The following FREM1 variants were observed in gnomAD, a reference collection of about 807,000 sequenced individuals.
FREM1 encodes FRAS1 related extracellular matrix 1.
In FREM1, 220 loss-of-function variants were observed where a neutral mutation model predicts 210.1. That is an observed-to-expected ratio of 1.05 (90% CI 0.94 to 1.17). The LOEUF (loss-of-function observed/expected upper bound fraction) is 1.17. Among genes scored for constraint, FREM1 ranks in the 50% most tolerant of loss-of-function variants. The probability of loss-of-function intolerance (pLI) is 0.00; values close to 1 mark genes in which losing one functional copy is unlikely to be tolerated. For synonymous variants in FREM1, 1,189 were observed against 980.2 expected, an observed-to-expected ratio of 1.21 and a Z score of -3.98; for missense variants, 3,454 against 2,675.5, an observed-to-expected ratio of 1.29 and a Z score of -6.42.
chr9:14,885,647 C>T (rs989725008), intron 1 of FREM1, among the ~76,000 whole-genome samples: 2 of 152,134 alleles, frequency 1.3e-5, no homozygotes, highest in Non-Finnish European at 2.9e-5. Flanking sequence ...GTCTTGAACT[C>T]CTGGTCTCAA....
At chr9:14,765,000 G>T (rs961302656) in intron 27 of FREM1, among the ~76,000 whole-genome samples, 1 of 152,132 alleles carries the variant, frequency 6.6e-6, no homozygotes, top group Non-Finnish European at 1.5e-5. Context: ...ACTTCAAAGG[G>T]GTTAAGTGAA....
intron 23 of FREM1, among the ~76,000 whole-genome samples, chr9:14,785,665 C>A (rs1237085499): frequency 6.6e-6 from 1 of 151,638 alleles, no homozygotes; most frequent in Non-Finnish European, 1.5e-5. Context: ...GGACATTATG[C>A]TAAGTGAAAT....
At chr9:14,814,913 G>A (rs1233331152) in intron 15 of FREM1, among the ~76,000 whole-genome samples, 2 of 152,174 alleles carry the variant, frequency 1.3e-5, no homozygotes, top group African/African-American at 2.4e-5. Flanking sequence ...ACTGCCTATT[G>A]TCATGGATGG....
chr9:14,877,689 G>A (rs528979853), intron 1 of FREM1, among the ~76,000 whole-genome samples: 26 of 152,116 alleles, frequency 1.7e-4, no homozygotes, highest in African/African-American at 6.3e-4. Flanking sequence ...CTGTCACAAG[G>A]AAATGAATCC....
chr9:14,854,204 A>C (rs902395270), intron 5 of FREM1, among the ~76,000 whole-genome samples: 1 of 152,216 alleles, frequency 6.6e-6, no homozygotes, highest in Non-Finnish European at 1.5e-5. Context: ...GGAATTGTCA[A>C]ATAAGATAAA....
intron 25 of FREM1, 135 bp downstream of exon 25, chr9:14,775,654 G>C (rs1199801760): frequency 1.6e-6 from 1 of 615,888 alleles, no homozygotes; most frequent in East Asian, 2.8e-5. Flanking sequence ...ATTGAAGTGA[G>C]CCAAGATCAC....
intron 1 of FREM1, among the ~76,000 whole-genome samples, chr9:14,892,952 G>A (rs868422033): frequency 5.9e-5 from 9 of 152,126 alleles, no homozygotes; most frequent in Admixed American, 2.0e-4. Flanking sequence ...GGGTCCAGCC[G>A]GGGGCACGTT....
At chr9:14,852,960 A>T (rs1230329196) in intron 5 of FREM1, among the ~76,000 whole-genome samples, 6 of 152,212 alleles carry the variant, frequency 3.9e-5, no homozygotes, top group Admixed American at 3.9e-4. Flanking sequence ...CAGACTCCAG[A>T]ACTTTCTTGC....
At chr9:14,877,679 C>A (rs66925748) in intron 1 of FREM1, among the ~76,000 whole-genome samples, 27,246 of 151,774 alleles carry the variant, frequency 0.18, 2,927 homozygotes, top group East Asian at 0.58. Context: ...ATGGATTCTA[C>A]TGTCACAAGG....
intron 29 of FREM1, 108 bp from the exon 30 acceptor site, chr9:14,750,384 G>A: frequency 1.3e-6 from 1 of 794,144 alleles, no homozygotes. Flanking sequence ...AGTAGCCCGA[G>A]TGAGCTATTG....
intron 24 of FREM1, chr9:14,782,336 T>G: frequency 3.1e-6 from 3 of 981,272 alleles, no homozygotes; most frequent in Non-Finnish European, 3.6e-6. Context: ...ATACGGAGGT[T>G]TTGTTCTTTA....
intron 16 of FREM1, among the ~76,000 whole-genome samples, chr9:14,808,490 T>A (rs1350563322): frequency 6.6e-6 from 1 of 152,138 alleles, no homozygotes; most frequent in Non-Finnish European, 1.5e-5. Flanking sequence ...ATGACCAACC[T>A]CAGGGAGAGG....
chr9:14,770,797 A>C lies in FREM1; in HGVS notation c.4867T>G (p.Leu1623Val). 1 of 1,611,364 alleles carries C rather than the reference A, an allele frequency of 6.2e-7. No individual in the cohort carries two copies. Among genetic ancestry groups the C allele is most frequent in the South Asian group, 1.1e-5 (1 of 90,674 alleles). Residue 1623 changes from leucine to valine, a missense_variant, in exon 26 of 37, where the codon TTG becomes GTG. Coordinates refer to ENST00000380880, the MANE Select transcript of FREM1 (RefSeq NM_001379081.2). ...PVLFTIQVDQ[L>V]DKTAPRITLL... ...GTGATACGAGGAGCTGTTTTGTCCA[A>C]TTGGTCTACCTGGATCATCAACAAT...
intron 27 of FREM1, among the ~76,000 whole-genome samples, chr9:14,766,374 G>A (rs924930966): frequency 2.6e-5 from 4 of 152,118 alleles, no homozygotes; most frequent in Non-Finnish European, 1.5e-5. Context: ...GCCTGTGTGT[G>A]GGGTGGCAGG....
intron 25 of FREM1, 86 bp downstream of exon 25, chr9:14,775,703 C>T (rs1424840779): frequency 1.3e-6 from 1 of 788,830 alleles, no homozygotes; most frequent in Non-Finnish European, 1.9e-6. Context: ...GAGAGACTCC[C>T]TCTCAAAAAA....
intron 1 of FREM1, among the ~76,000 whole-genome samples, chr9:14,876,629 C>T (rs1833805368): frequency 1.3e-5 from 2 of 152,166 alleles, no homozygotes; most frequent in Admixed American, 6.5e-5. Flanking sequence ...CCTTGCGCTT[C>T]CCAAGTGAGG....
chr9:14,877,624 C>T (rs948115999), intron 1 of FREM1, among the ~76,000 whole-genome samples: 2 of 152,068 alleles, frequency 1.3e-5, no homozygotes, highest in African/African-American at 4.8e-5. Flanking sequence ...TCTCGGCAGA[C>T]TGGAACCAGG....
rs770910385 is a variant in FREM1, at chr9:14,824,823, G to T, written c.2051C>A (p.Thr684Asn). The T allele has an allele frequency of 6.2e-6, 10 of 1,612,392 alleles. No individual in the cohort carries two copies. The highest frequency in any genetic ancestry group is 8.5e-6 in the Non-Finnish European group (10 of 1,179,094). Residue 684 changes from threonine (T) to asparagine (N), a missense_variant, in exon 11 of 37, where the codon ACT becomes AAT. By Grantham distance (65) the Thr-to-Asn change is moderately conservative. Transcript: ENST00000380880. ...YDRELVYTITTPPFFSFSHRH... is the reference protein window; with the variant it reads ...YDRELVYTITNPPFFSFSHRH... Reference sequence around the variant, plus strand: ...GTGGCTGAAGGAGAAAAATGGAGGAGTAGTTATTGTGTAGACCAGCTCCCT... The same window carrying T: ...GTGGCTGAAGGAGAAAAATGGAGGATTAGTTATTGTGTAGACCAGCTCCCT...
chr9:14,790,565 T>G (rs1340927073), intron 22 of FREM1: 5 of 152,182 alleles, frequency 3.3e-5, no homozygotes, highest in African/African-American at 1.2e-4. Flanking sequence ...CTCTCTCTTG[T>G]CTCCATGTAA....
Sources: allele counts gnomAD v4.1 joint callset (sites outside exome capture counted in the v4.1 genomes callset), GRCh38; gene constraint gnomAD v4.1.1; transcripts MANE v1.5; gene names NCBI Gene and HGNC (gene_info 2026-07-23, HGNC 2026-07-21).